DPYD: variants seen among roughly 807,000 people sequenced by gnomAD.
DPYD encodes dihydropyrimidine dehydrogenase.
A neutral mutation model predicts 116.2 loss-of-function variants in DPYD; 109 were observed. The observed-to-expected ratio is 0.94, with a 90% CI of 0.80 to 1.10. The LOEUF is 1.10. DPYD is among the 50% of genes least tolerant of loss of function. DPYD has a pLI of 0.00. For missense variants in DPYD, 1,302 were observed against 1,254.5 expected (o/e 1.04, Z -0.57); for synonymous variants, 440 against 432.0 (o/e 1.02, Z -0.23).
intron 5 of DPYD, chr1:97,719,940 G>T: frequency 1.0e-6 from 1 of 984,876 alleles, no homozygotes; most frequent in Non-Finnish European, 1.2e-6. Context: ...CTTATGGCAA[G>T]ACCTAAGTGT....
chr1:97,325,600 T>C (rs1384357953), intron 16 of DPYD, among the ~76,000 whole-genome samples: 7 of 152,050 alleles, frequency 4.6e-5, no homozygotes, highest in Non-Finnish European at 1.0e-4. Flanking sequence ...AACAATCTGC[T>C]CTACTTGAAG....
chr1:97,713,912 C>T (rs1275662136), intron 5 of DPYD, among the ~76,000 whole-genome samples: 1 of 152,008 alleles, frequency 6.6e-6, no homozygotes, highest in African/African-American at 2.4e-5. Context: ...TGTGATATAT[C>T]ATTAATCTAA....
At chr1:97,785,326 T>C (rs1666960615) in intron 3 of DPYD, among the ~76,000 whole-genome samples, 1 of 152,204 alleles carries the variant, frequency 6.6e-6, no homozygotes, top group Non-Finnish European at 1.5e-5. Flanking sequence ...AGATACAACA[T>C]GCACCACACA....
At chr1:97,737,936 C>T (rs368539092) in intron 4 of DPYD, among the ~76,000 whole-genome samples, 1 of 152,072 alleles carries the variant, frequency 6.6e-6, no homozygotes, top group Admixed American at 6.6e-5. Flanking sequence ...TCTTTTACAT[C>T]GTGTAATTTA....
At chr1:97,459,869 TAAAC>T (rs1436636409) in intron 13 of DPYD, among the ~76,000 whole-genome samples, 4 of 151,762 alleles carry the variant, frequency 2.6e-5, no homozygotes, top group African/African-American at 4.8e-5. Context: ...GGCAAAAAAA[TAAAC>T]AAAACTAAAT....
intron 19 of DPYD, among the ~76,000 whole-genome samples, chr1:97,212,942 G>A (rs112148068): frequency 2.6e-5 from 4 of 152,158 alleles, no homozygotes; most frequent in African/African-American, 9.6e-5. Flanking sequence ...CCATAGACTG[G>A]GTAGCTTCAA....
chr1:97,811,339 A>T (rs1331428799), intron 3 of DPYD, among the ~76,000 whole-genome samples: 2 of 152,088 alleles, frequency 1.3e-5, no homozygotes, highest in Non-Finnish European at 2.9e-5. Flanking sequence ...TCCAGTTTCT[A>T]CTTGTACTTT....
At chr1:97,683,827 A>C (rs970469131) in intron 7 of DPYD, among the ~76,000 whole-genome samples, 2 of 152,104 alleles carry the variant, frequency 1.3e-5, no homozygotes, top group African/African-American at 4.8e-5. Flanking sequence ...TACAGAAGCA[A>C]ATGAAAATAC....
chr1:97,286,468 C>T (rs1665692442), intron 18 of DPYD, among the ~76,000 whole-genome samples: 1 of 151,866 alleles, frequency 6.6e-6, no homozygotes, highest in Non-Finnish European at 1.5e-5. Context: ...TGTTGGCCTG[C>T]CTTGCTAGAT....
At chr1:97,296,525 A>G (rs1666540865) in intron 18 of DPYD, among the ~76,000 whole-genome samples, 1 of 152,168 alleles carries the variant, frequency 6.6e-6, no homozygotes, top group Non-Finnish European at 1.5e-5. Flanking sequence ...TTTCTCATTA[A>G]TAAATGAATC....
chr1:97,135,328 C>A (rs182794453), intron 20 of DPYD, among the ~76,000 whole-genome samples: 1,837 of 152,204 alleles, frequency 0.012, 43 homozygotes, highest in Non-Finnish European at 0.013. Context: ...TATTTACTGC[C>A]AGGAGCAAAG....
intron 15 of DPYD, among the ~76,000 whole-genome samples, chr1:97,379,950 A>G (rs1022187187): frequency 6.6e-6 from 1 of 152,206 alleles, no homozygotes; most frequent in Non-Finnish European, 1.5e-5. Context: ...AGTTGTGGCC[A>G]GCTCTGGAAT....
At position 97,082,380 on chromosome 1, in the gene DPYD, A is replaced by G; in HGVS notation, c.2857T>C (p.Cys953Arg). The G allele has an allele frequency of 6.2e-7, 1 of 1,613,660 alleles. No homozygotes were observed. Among genetic ancestry groups the G allele is most frequent in the Non-Finnish European group, 8.5e-7 (1 of 1,179,654 alleles). Reference sequence around the variant, plus strand: ...ATGTAGCATTTACCACAGTTGATACACATTTCTTCATCAATCATAGCCACA... The same window carrying G: ...ATGTAGCATTTACCACAGTTGATACGCATTTCTTCATCAATCATAGCCACA... ...QVVAMIDEEMCINCGKCYMTC... is the reference protein window; with the variant it reads ...QVVAMIDEEMRINCGKCYMTC... The change falls in exon 22 of 23, where the codon TGT becomes CGT. Residue 953 changes from cysteine to arginine, a missense_variant. By Grantham distance (180) the Cys-to-Arg change is radical (BLOSUM62 -3). Transcript: ENST00000370192.
At chr1:97,182,102 G>A (rs1557918718) in intron 20 of DPYD, among the ~76,000 whole-genome samples, 1 of 152,064 alleles carries the variant, frequency 6.6e-6, no homozygotes, top group East Asian at 1.9e-4. Context: ...GTAAGCTTTT[G>A]ACTACAGCAC....
chr1:97,647,885 C>T (rs1474410212), intron 8 of DPYD, among the ~76,000 whole-genome samples: 1 of 151,878 alleles, frequency 6.6e-6, no homozygotes, highest in African/African-American at 2.4e-5. Flanking sequence ...CTAGTTTTTC[C>T]CAACTCATAC....
chr1:97,591,907 A>G (rs1267063009), intron 10 of DPYD, among the ~76,000 whole-genome samples: 1 of 151,984 alleles, frequency 6.6e-6, no homozygotes, highest in Admixed American at 6.6e-5. Context: ...AAAAAAAAAG[A>G]AACCTATGAT....
At chr1:97,193,710 C>T (rs1658550286) in intron 19 of DPYD, among the ~76,000 whole-genome samples, 1 of 152,138 alleles carries the variant, frequency 6.6e-6, no homozygotes, top group Admixed American at 6.5e-5. Flanking sequence ...ATCACTTACC[C>T]CTGCCTCTGT....
chr1:97,287,698 T>C (rs1665809241), intron 18 of DPYD, among the ~76,000 whole-genome samples: 1 of 152,082 alleles, frequency 6.6e-6, no homozygotes, highest in Admixed American at 6.5e-5. Flanking sequence ...GTGCTAGCCA[T>C]CAGTGAGAAT....
chr1:97,186,797 G>A lies in DPYD; in HGVS notation c.2622+6272C>T, dbSNP rs539744228. ...CTGAGAGGCAGGGTTGCAGTGAGCC[G>A]AGAACGTGCCACTGCACTCCAGCCT... On this transcript the variant is annotated intron_variant, in intron 20 of 22. Coordinates refer to ENST00000370192, the MANE Select transcript of DPYD (RefSeq NM_000110.4). 1.1e-3 allele frequency among the ~76,000 whole-genome samples: 169 copies of A among 152,188 alleles called. 1 individual carries two copies. The highest frequency in any genetic ancestry group is 2.0e-3 in the African/African-American group (82 of 41,528).
Sources: gnomAD v4.1 joint callset for allele counts (sites outside exome capture counted in the v4.1 genomes callset) on GRCh38, gnomAD v4.1.1 for gene constraint, MANE v1.5 for transcripts, NCBI Gene and HGNC (gene_info 2026-07-23, HGNC 2026-07-21) for gene names.